The following SLC24A2 variants were observed in gnomAD, a reference collection of about 807,000 sequenced individuals.
The protein encoded by SLC24A2 is sodium/potassium/calcium exchanger 2.
SLC24A2 carries 36 observed loss-of-function variants against 62.0 expected under a neutral mutation model. The observed-to-expected ratio is 0.58, with a 90% CI of 0.44 to 0.77. The LOEUF (loss-of-function observed/expected upper bound fraction) is 0.77. Among genes scored for constraint, SLC24A2 ranks in the 30% least tolerant of loss-of-function variants. SLC24A2 has a pLI of 0.00. For missense variants in SLC24A2, 846 were observed against 817.9 expected, an observed-to-expected ratio of 1.03 and a Z score of -0.42; for synonymous variants, 358 against 294.0, an observed-to-expected ratio of 1.22 and a Z score of -2.23.
At chr9:19,873,276 CTT>C in the SLC24A2 span, among the ~76,000 whole-genome samples, 6 of 151,192 alleles carry the variant, frequency 4.0e-5, no homozygotes, top group South Asian at 4.2e-4. Context: ...TCTTTTCTCT[CTT>C]TCTTTCTTTC....
At chr9:19,683,536 CTTTT>C (rs74320355) in intron 2 of SLC24A2, among the ~76,000 whole-genome samples, 1 of 143,150 alleles carries the variant, frequency 7.0e-6, no homozygotes, top group East Asian at 2.0e-4. Flanking sequence ...GTGCTCTGAA[CTTTT>C]TTTTTTTTTT....
At chr9:19,820,042 CATATATATATATACACATATATAT>C in the SLC24A2 span, among the ~76,000 whole-genome samples, 110 of 32,884 alleles carry the variant, frequency 3.3e-3, 4 homozygotes, top group Middle Eastern at 0.015. Context: ...TATATATATA[CATATATATATATACACATATATAT>C]ATATATATAT....
chr9:19,898,170 C>T, the SLC24A2 span, among the ~76,000 whole-genome samples: 1 of 152,156 alleles, frequency 6.6e-6, no homozygotes, highest in Non-Finnish European at 1.5e-5. Flanking sequence ...AGAAGCCTAG[C>T]ATGTCTAGCT....
At chr9:20,253,992 G>A in the SLC24A2 span, among the ~76,000 whole-genome samples, 2 of 152,192 alleles carry the variant, frequency 1.3e-5, no homozygotes, top group Non-Finnish European at 2.9e-5. Flanking sequence ...ATATGAGGTT[G>A]AAATAAAGAG....
chr9:20,028,543 T>C, the SLC24A2 span, among the ~76,000 whole-genome samples: 44 of 152,248 alleles, frequency 2.9e-4, 1 homozygote, highest in African/African-American at 1.0e-3. Context: ...CCTTCCCTAA[T>C]TGACATCCAT....
chr9:19,551,179 GC>G (rs1381851621), intron 7 of SLC24A2, among the ~76,000 whole-genome samples: 1 of 152,158 alleles, frequency 6.6e-6, no homozygotes, highest in Admixed American at 6.5e-5. Context: ...CTTAACCACA[GC>G]TAAATTCTAA....
intron 2 of SLC24A2, among the ~76,000 whole-genome samples, chr9:19,748,405 CAAG>C (rs1821893339): frequency 6.6e-6 from 1 of 152,114 alleles, no homozygotes. Flanking sequence ...AAGTATAACA[CAAG>C]AAGTTTTAGA....
chr9:20,049,193 T>A, the SLC24A2 span, among the ~76,000 whole-genome samples: 5 of 151,026 alleles, frequency 3.3e-5, no homozygotes, highest in African/African-American at 9.9e-5. Context: ...AATGAGGAAG[T>A]AGCCCAAACA....
chr9:19,956,910 G>A, the SLC24A2 span, among the ~76,000 whole-genome samples: 1 of 152,116 alleles, frequency 6.6e-6, no homozygotes, highest in Non-Finnish European at 1.5e-5. Flanking sequence ...CAAAAAGATA[G>A]CTGTCTATAC....
At chr9:19,946,371 T>C in the SLC24A2 span, among the ~76,000 whole-genome samples, 1 of 152,248 alleles carries the variant, frequency 6.6e-6, no homozygotes, top group South Asian at 2.1e-4. Context: ...AGTGACTTAA[T>C]GGGCCTTGAG....
the SLC24A2 span, among the ~76,000 whole-genome samples, chr9:20,141,804 C>T: frequency 2.6e-3 from 398 of 152,216 alleles, no homozygotes; most frequent in African/African-American, 9.1e-3. Context: ...TTTAAAAAGG[C>T]GGGCCACGGT....
At chr9:20,128,855 G>C in the SLC24A2 span, among the ~76,000 whole-genome samples, 58 of 151,902 alleles carry the variant, frequency 3.8e-4, no homozygotes, top group Non-Finnish European at 1.0e-4. Context: ...GAATATATAG[G>C]GGTATATCTT....
chr9:19,735,330 T>G (rs1184662852), intron 2 of SLC24A2, among the ~76,000 whole-genome samples: 2 of 152,032 alleles, frequency 1.3e-5, no homozygotes, highest in East Asian at 3.9e-4. Flanking sequence ...CCAGTTAGAA[T>G]GGCAATCATT....
chr9:19,978,412 C>T, the SLC24A2 span, among the ~76,000 whole-genome samples: 6 of 148,110 alleles, frequency 4.1e-5, no homozygotes, highest in Admixed American at 2.0e-4. Context: ...CCTCGCCCCT[C>T]TTTTTTTTTT....
At chr9:19,733,600 A>G (rs896562612) in intron 2 of SLC24A2, among the ~76,000 whole-genome samples, 5 of 152,174 alleles carry the variant, frequency 3.3e-5, no homozygotes, top group Non-Finnish European at 7.4e-5. Context: ...AAAAATCATG[A>G]ATAGAGGAAA....
intron 2 of SLC24A2, among the ~76,000 whole-genome samples, chr9:19,711,357 G>A (rs1210012121): frequency 6.6e-6 from 1 of 152,190 alleles, no homozygotes; most frequent in African/African-American, 2.4e-5. Flanking sequence ...GAAAGATACA[G>A]TCCTCATGAC....
chr9:19,894,580 TG>T, the SLC24A2 span, among the ~76,000 whole-genome samples: 1 of 152,206 alleles, frequency 6.6e-6, no homozygotes, highest in African/African-American at 2.4e-5. Context: ...ATTGAATGGA[TG>T]CCTGGAGAGC....
chr9:20,248,710 G>A, the SLC24A2 span, among the ~76,000 whole-genome samples: 5 of 152,124 alleles, frequency 3.3e-5, no homozygotes, highest in Non-Finnish European at 7.4e-5. Flanking sequence ...TTTCTCCAAC[G>A]CTGCCTCACA....
At chr9:20,274,118 A>G in the SLC24A2 span, among the ~76,000 whole-genome samples, 1 of 152,224 alleles carries the variant, frequency 6.6e-6, no homozygotes, top group Non-Finnish European at 1.5e-5. Context: ...GGAATAAGCC[A>G]AAGTTCCTTC....
Sources: gnomAD v4.1 joint callset for allele counts (sites outside exome capture counted in the v4.1 genomes callset) on GRCh38, gnomAD v4.1.1 for gene constraint, MANE v1.5 for transcripts, NCBI Gene and HGNC (gene_info 2026-07-23, HGNC 2026-07-21) for gene names.